Variants in SULF1 observed in about 807,000 individuals in gnomAD.
SULF1 encodes the protein sulfatase 1.
A neutral mutation model predicts 110.5 loss-of-function variants in SULF1; 46 were observed. That is an observed-to-expected ratio of 0.42 (90% confidence interval 0.33 to 0.53). The LOEUF (loss-of-function observed/expected upper bound fraction) is 0.53. Among genes scored for constraint, SULF1 ranks in the 20% least tolerant of loss-of-function variants. SULF1 has a pLI of 0.12. For synonymous variants in SULF1, 371 were observed against 387.1 expected, an observed-to-expected ratio of 0.96 and a Z score of 0.49; for missense variants, 941 against 1,094.2, an observed-to-expected ratio of 0.86 and a Z score of 1.98.
chr8:69,651,577 GA>G, intron 22 of SULF1, among the ~76,000 whole-genome samples: 1 of 152,094 alleles, frequency 6.6e-6, no homozygotes, highest in East Asian at 1.9e-4. Context: ...AATGAACGTT[GA>G]ATTTGTCAAA....
Position 69,603,549 on chromosome 8 carries a change from T to C in SULF1, c.1191-51T>C, listed in dbSNP as rs113660950. 1,145 of 1,494,328 alleles carry C rather than the reference T, an allele frequency of 7.7e-4. 11 individuals carry two copies. In the African/African-American group the frequency reaches 0.014, roughly 18 times the overall value. The allele number at this position is 1,494,328 out of a possible 1,614,324, so 92.6% of individuals were successfully genotyped here. ...TAAATAAGCTGTTAGCACAGATCCATTTGGAAAAACGTCCAGATGCCAAAA... is the reference window on the plus strand; with the variant it reads ...TAAATAAGCTGTTAGCACAGATCCACTTGGAAAAACGTCCAGATGCCAAAA... On this transcript the variant is annotated intron_variant, in intron 11 of 22. Coordinates refer to ENST00000402687, the MANE Select transcript of SULF1 (RefSeq NM_001128205.2).
chr8:69,550,984 C>T (rs974948792), intron 3 of SULF1, among the ~76,000 whole-genome samples: 11 of 152,196 alleles, frequency 7.2e-5, no homozygotes, highest in African/African-American at 2.7e-4. Context: ...TCTTTACTAT[C>T]ATGGTGGTTT....
rs753203115 is a variant in SULF1 at position 69,621,107 on chromosome 8, A to T, written c.1450A>T (p.Thr484Ser). The change falls in exon 14 of 23, where the codon ACA becomes TCA. Residue 484 changes from threonine (T) to serine (S), a missense_variant. By Grantham distance (58) the Thr-to-Ser change is moderately conservative. Coordinates refer to ENST00000402687, the MANE Select transcript of SULF1 (RefSeq NM_001128205.2). ...HKCKGPSDLL[T>S]VRQSTRNLYA... ...GTGTAAAGGACCCAGTGACCTGCTC[A>T]CAGTCCGGCAGAGCACGCGGAACCT... The T allele has an allele frequency of 1.8e-5, 29 of 1,614,030 alleles. No homozygotes were observed. The highest frequency in any genetic ancestry group is 2.4e-5 in the Non-Finnish European group (28 of 1,179,970).
chr8:69,567,195 G>A lies in SULF1; in HGVS notation c.172+3048G>A, dbSNP rs548534042. On this transcript the variant is annotated intron_variant, in intron 5 of 22. Transcript: ENST00000402687. Reference sequence around the variant, plus strand: ...GACTAGGAACCACAGTGAACTGTGGGTTGGAGGTCCAGAAAAGACCTCCTT... The same window carrying A: ...GACTAGGAACCACAGTGAACTGTGGATTGGAGGTCCAGAAAAGACCTCCTT... Among the ~76,000 whole-genome samples, 7 of 152,158 alleles carry A rather than the reference G, an allele frequency of 4.6e-5. No homozygotes were observed. The East Asian group carries it at 1.4e-3, about 29-fold the overall frequency.
chr8:69,603,129 C>A, intron 10 of SULF1, 63 bp from the exon 11 acceptor site: 2 of 1,602,922 alleles, frequency 1.2e-6, no homozygotes. Context: ...GTAGAAAAAG[C>A]AGCCCTAAGT....
chr8:69,544,856 T>C (rs1259872392), intron 3 of SULF1, among the ~76,000 whole-genome samples: 2 of 152,160 alleles, frequency 1.3e-5, no homozygotes, highest in Admixed American at 6.5e-5. Flanking sequence ...TTTAGCAATA[T>C]TTTCTGAAAA....
At chr8:69,625,829 A>G (rs950902643) in intron 15 of SULF1, 1 of 152,432 alleles carries the variant, frequency 6.6e-6, no homozygotes, top group Non-Finnish European at 1.5e-5. Flanking sequence ...GCCTGCTTTT[A>G]TTCTCTTATC....
intron 1 of SULF1, among the ~76,000 whole-genome samples, chr8:69,482,754 T>C (rs1426446423): frequency 6.6e-6 from 1 of 152,142 alleles, no homozygotes. Flanking sequence ...TTTTAAAAAT[T>C]AATTAAGGAA....
chr8:69,605,447 C>T (rs1808160040), intron 13 of SULF1, among the ~76,000 whole-genome samples: 1 of 152,190 alleles, frequency 6.6e-6, no homozygotes, highest in Non-Finnish European at 1.5e-5. Context: ...CCTACTTCTG[C>T]TCACAAAGAT....
intron 1 of SULF1, among the ~76,000 whole-genome samples, chr8:69,481,489 C>G (rs1334550000): frequency 2.0e-5 from 3 of 152,120 alleles, no homozygotes; most frequent in African/African-American, 7.2e-5. Flanking sequence ...GATACATGAG[C>G]AGGTTGTGCA....
At chr8:69,503,664 G>A (rs946204296) in intron 3 of SULF1, among the ~76,000 whole-genome samples, 35 of 152,254 alleles carry the variant, frequency 2.3e-4, no homozygotes, top group African/African-American at 7.7e-4. Context: ...AAAATTAACC[G>A]TAGAAGAGAC....
At chr8:69,570,572 G>A (rs1214829587) in intron 5 of SULF1, among the ~76,000 whole-genome samples, 2 of 152,114 alleles carry the variant, frequency 1.3e-5, no homozygotes, top group Admixed American at 1.3e-4. Context: ...TGTATGAAAT[G>A]ATTTTGGGAA....
Position 69,659,510 on chromosome 8 carries a change from G to A in SULF1, c.*975G>A, listed in dbSNP as rs1388250877. The stretch of plus-strand genomic sequence containing the variant: ...ATCGTTATAATTTACTATCTGCCAA[G>A]AGTAGAAAGAAAGGCTGGGGATATT... On this transcript the variant is annotated 3_prime_UTR_variant, in exon 23 of 23. Transcript: ENST00000402687. 3.9e-6 allele frequency: 1 copy of A among 254,908 alleles called. No individual in the cohort carries two copies. The highest frequency in any genetic ancestry group is 7.7e-6 in the Non-Finnish European group (1 of 129,436). 15.8% of individuals were successfully genotyped at this position (254,908 alleles called of 1,614,324 possible).
chr8:69,510,043 T>C (rs374524309), intron 3 of SULF1, among the ~76,000 whole-genome samples: 108 of 152,212 alleles, frequency 7.1e-4, no homozygotes, highest in African/African-American at 2.4e-3. Flanking sequence ...AAAACATTGA[T>C]TTTTTTTCTC....
chr8:69,529,007 T>G (rs1481250705), intron 3 of SULF1, among the ~76,000 whole-genome samples: 2 of 152,202 alleles, frequency 1.3e-5, no homozygotes, highest in Non-Finnish European at 2.9e-5. Flanking sequence ...GAACTTTCTA[T>G]GTACCAGCTC....
At chr8:69,537,078 T>C (rs1490571263) in intron 3 of SULF1, among the ~76,000 whole-genome samples, 1 of 152,252 alleles carries the variant, frequency 6.6e-6, no homozygotes, top group Non-Finnish European at 1.5e-5. Flanking sequence ...GCTTATACTC[T>C]GTGCCCAGCA....
At chr8:69,550,510 C>T (rs554904026) in intron 3 of SULF1, among the ~76,000 whole-genome samples, 2 of 151,956 alleles carry the variant, frequency 1.3e-5, no homozygotes, top group Non-Finnish European at 2.9e-5. Context: ...TTGGCAGTCA[C>T]GGGGCAGAAT....
At chr8:69,600,795 C>T (rs1462008306) in intron 9 of SULF1, 42 bp downstream of exon 9, 3 of 1,595,332 alleles carry the variant, frequency 1.9e-6, no homozygotes, top group African/African-American at 1.3e-5. Context: ...TTTGGCCCAG[C>T]TTCCTTTGTG....
chr8:69,481,226 T>C (rs1313489766), intron 1 of SULF1, among the ~76,000 whole-genome samples: 1 of 152,080 alleles, frequency 6.6e-6, no homozygotes, highest in African/African-American at 2.4e-5. Context: ...CACTGGAAAA[T>C]GTGATTGCAA....
Sources: allele counts gnomAD v4.1 joint callset (sites outside exome capture counted in the v4.1 genomes callset), GRCh38; gene constraint gnomAD v4.1.1; transcripts MANE v1.5; gene names NCBI Gene and HGNC (gene_info 2026-07-23, HGNC 2026-07-21).